PDGFRB: variants seen among roughly 807,000 people sequenced by gnomAD.
The protein encoded by PDGFRB is platelet derived growth factor receptor beta.
PDGFRB carries 42 observed loss-of-function variants against 120.2 expected under a neutral mutation model. The observed-to-expected ratio is 0.35, with a 90% CI of 0.27 to 0.45. The LOEUF is 0.45. Ranked by LOEUF, PDGFRB falls within the 20% of genes least tolerant of loss-of-function variation. The probability of loss-of-function intolerance (pLI) is 1.00; values close to 1 mark genes in which losing one functional copy is unlikely to be tolerated. For synonymous variants in PDGFRB, 586 were observed against 606.8 expected (o/e 0.97, Z 0.50); for missense variants, 1,149 against 1,476.3 (o/e 0.78, Z 3.63).
intron 10 of PDGFRB, among the ~76,000 whole-genome samples, chr5:150,128,583 T>G (rs1309078844): frequency 6.6e-6 from 1 of 152,244 alleles, no homozygotes; most frequent in Non-Finnish European, 1.5e-5. Context: ...TGAGTTGAAC[T>G]CTTTTCATTT....
rs76062501 is a variant in PDGFRB, at chr5:150,122,344, G to A, written c.2184-304C>T. The A allele has an allele frequency of 2.6e-3, 835 of 327,116 alleles. 6 individuals are homozygous for A. Among genetic ancestry groups the A allele is most frequent in the African/African-American group, 0.016 (778 of 47,734 alleles). 20.3% of individuals were successfully genotyped at this position (327,116 alleles called of 1,614,324 possible). ...GGCGCCTTCCTGTGGCCTCCCCAGC[G>A]CCACCTGGCCATGGGAGTGCCTGAC... On this transcript the variant is annotated intron_variant, in intron 15 of 22. Coordinates refer to ENST00000261799, the MANE Select transcript of PDGFRB (RefSeq NM_002609.4).
intron 1 of PDGFRB, among the ~76,000 whole-genome samples, chr5:150,139,449 T>C (rs182161926): frequency 4.0e-4 from 61 of 152,246 alleles, no homozygotes; most frequent in African/African-American, 1.5e-3. Context: ...AAGCTCTGCC[T>C]TTCTGACAGG....
chr5:150,118,596 A>C, intron 21 of PDGFRB, 151 bp downstream of exon 21: 1 of 650,048 alleles, frequency 1.5e-6, no homozygotes, highest in Non-Finnish European at 2.8e-6. Context: ...GCGCCAGCCC[A>C]TCCCCTCCTA....
At chr5:150,118,918 A>G in intron 20 of PDGFRB, 66 bp from the exon 21 acceptor site, 3 of 933,482 alleles carry the variant, frequency 3.2e-6, no homozygotes, top group Non-Finnish European at 5.1e-6. Flanking sequence ...GGGCTGGGGG[A>G]GCAGGAGGCT....
chr5:150,135,754 C>A lies in PDGFRB; in HGVS notation c.165G>T (p.Ser55=), dbSNP rs550337874. The change falls in exon 3 of 23, where the codon TCG becomes TCT. Residue 55 remains serine, a synonymous_variant. Coordinates refer to ENST00000261799, the MANE Select transcript of PDGFRB (RefSeq NM_002609.4). The part of the protein sequence containing the change: ...NVSSTFVLTC[S]GSAPVVWERM... ...GTTCCCACACCACCGGAGCTGAACC[C>A]GAGCAGGTCAGAACGAAGGTGCTGG... The A allele has an allele frequency of 8.7e-6, 14 of 1,613,956 alleles. No homozygotes were observed. The African/African-American group carries it at 1.9e-4, about 22-fold the overall frequency.
At chr5:150,141,933 A>T (rs1430420398) in intron 1 of PDGFRB, among the ~76,000 whole-genome samples, 1 of 152,010 alleles carries the variant, frequency 6.6e-6, no homozygotes, top group African/African-American at 2.4e-5. Context: ...GGCCGGGTAG[A>T]AACAGCAGTG....
intron 1 of PDGFRB, among the ~76,000 whole-genome samples, chr5:150,141,675 G>A (rs17708574): frequency 0.085 from 12,957 of 152,224 alleles, 736 homozygotes; most frequent in East Asian, 0.2. Context: ...CAACAGGACT[G>A]GGTGACTTAA....
intron 10 of PDGFRB, among the ~76,000 whole-genome samples, chr5:150,127,071 G>A (rs564039363): frequency 3.3e-5 from 5 of 152,332 alleles, no homozygotes; most frequent in African/African-American, 9.6e-5. Flanking sequence ...GTGGCCGGTG[G>A]ACTGAGTGAG....
rs367611195 is a variant in PDGFRB, at chr5:150,129,822, G to A, written c.1514C>T (p.Ser505Leu). The A allele has an allele frequency of 9.3e-6, 15 of 1,613,976 alleles. No homozygotes were observed. The highest frequency in any genetic ancestry group is 1.6e-4 in the Middle Eastern group (1 of 6,084). ...AGCGTTGCGCAGCGTGCAGCGCACC[G>A]ACAGTGGCCGATCCACGTGCTGCAG... is the stretch of plus-strand genomic sequence containing the variant. ...LRLQHVDRPL[S>L]VRCTLRNAVG... The change falls in exon 10 of 23, where the codon TCG becomes TTG. Residue 505 changes from serine (S) to leucine (L), a missense_variant. Physicochemically the swap from Ser to Leu is moderately radical, Grantham distance 145. Coordinates refer to ENST00000261799, the MANE Select transcript of PDGFRB (RefSeq NM_002609.4).
chr5:150,147,077 C>T (rs1046971438), intron 1 of PDGFRB, among the ~76,000 whole-genome samples: 3 of 152,144 alleles, frequency 2.0e-5, no homozygotes, highest in Non-Finnish European at 2.9e-5. Flanking sequence ...AGTGCTCCTG[C>T]GGGATACAGC....
intron 1 of PDGFRB, among the ~76,000 whole-genome samples, chr5:150,139,778 G>A (rs1006633734): frequency 1.3e-5 from 2 of 152,002 alleles, no homozygotes; most frequent in African/African-American, 2.4e-5. Flanking sequence ...TTGAGAGATC[G>A]AGACCAACCT....
chr5:150,117,546 A>ACGCGCGCGCGCACG (rs10638773), intron 22 of PDGFRB, 72 bp downstream of exon 22: 1 of 404,280 alleles, frequency 2.5e-6, no homozygotes, highest in Non-Finnish European at 3.9e-6. Flanking sequence ...GCGCGCGCGC[A>ACGCGCGCGCGCACG]CACACACACA....
intron 1 of PDGFRB, among the ~76,000 whole-genome samples, chr5:150,144,349 C>T (rs1005675007): frequency 2.6e-5 from 4 of 152,186 alleles, no homozygotes; most frequent in Non-Finnish European, 4.4e-5. Flanking sequence ...GCCCTGACAG[C>T]TCCCTCACAA....
intron 1 of PDGFRB, among the ~76,000 whole-genome samples, chr5:150,147,937 G>A (rs755503756): frequency 3.3e-5 from 5 of 152,094 alleles, no homozygotes; most frequent in African/African-American, 7.2e-5. Flanking sequence ...TCACTCACTC[G>A]GCCTTGCGCG....
In PDGFRB at chr5:150,133,609, T is replaced by C. The variant is rs760689123; in HGVS notation, c.911A>G (p.Lys304Arg). ...ACCAACCACGGTGATGTTGATGGCC[T>C]TTTCATCCTGATGGTCATTCACACT... The part of the protein sequence containing the change: ...TESVNDHQDE[K>R]AINITVVESG... The change falls in exon 6 of 23, where the codon AAG becomes AGG. Residue 304 changes from lysine to arginine, a missense_variant. Transcript: ENST00000261799. 39 of 1,613,854 alleles carry C rather than the reference T, an allele frequency of 2.4e-5. No individual in the cohort carries two copies. Among genetic ancestry groups the C allele is most frequent in the Non-Finnish European group, 2.8e-5 (33 of 1,179,856 alleles).
intron 1 of PDGFRB, among the ~76,000 whole-genome samples, chr5:150,150,102 C>T (rs893519931): frequency 1.3e-5 from 2 of 152,162 alleles, no homozygotes; most frequent in Non-Finnish European, 2.9e-5. Context: ...CTTGTTGGGA[C>T]GGCTTTGCTC....
intron 1 of PDGFRB, among the ~76,000 whole-genome samples, chr5:150,140,609 G>T (rs1019526936): frequency 6.6e-6 from 1 of 152,172 alleles, no homozygotes; most frequent in East Asian, 1.9e-4. Flanking sequence ...CAAGTCCGGG[G>T]CACAGAGTGG....
intron 21 of PDGFRB, 27 bp from the exon 22 acceptor site, chr5:150,117,877 G>C (rs2113884658): frequency 7.2e-7 from 1 of 1,386,378 alleles, no homozygotes; most frequent in African/African-American, 1.4e-5. Flanking sequence ...GAGAACCAAA[G>C]AAACAGGGAT....
At chr5:150,119,616 G>A in intron 19 of PDGFRB, 50 bp from the exon 20 acceptor site, 2 of 1,106,456 alleles carry the variant, frequency 1.8e-6, no homozygotes, top group South Asian at 2.5e-5. Flanking sequence ...GTGGAAAAGT[G>A]GCAGGGCACC....
Sources: allele counts gnomAD v4.1 joint callset (sites outside exome capture counted in the v4.1 genomes callset), GRCh38; gene constraint gnomAD v4.1.1; transcripts MANE v1.5; gene names NCBI Gene and HGNC (gene_info 2026-07-23, HGNC 2026-07-21).